The following SS18 variants were observed in gnomAD, a reference collection of about 807,000 sequenced individuals.
SS18 encodes protein SSXT.
A neutral mutation model predicts 72.5 loss-of-function variants in SS18; 28 were observed. The observed-to-expected ratio is 0.39, with a 90% CI of 0.29 to 0.53. The LOEUF (loss-of-function observed/expected upper bound fraction) is 0.53, where lower values mean the gene tolerates loss of function less well. Ranked by LOEUF, SS18 falls within the 20% of genes least tolerant of loss-of-function variation. The pLI, the probability that SS18 is intolerant of heterozygous loss-of-function variation, is 0.76. For synonymous variants in SS18, 172 were observed against 164.2 expected, an observed-to-expected ratio of 1.05 and a Z score of -0.37; for missense variants, 518 against 535.3, an observed-to-expected ratio of 0.97 and a Z score of 0.32.
At chr18:26,051,697 C>T (rs2053927047) in intron 5 of SS18, among the ~76,000 whole-genome samples, 1 of 152,042 alleles carries the variant, frequency 6.6e-6, no homozygotes, top group African/African-American at 2.4e-5. Flanking sequence ...CATTAAGTAA[C>T]TTTGGGGGAA....
intron 7 of SS18, among the ~76,000 whole-genome samples, chr18:26,036,807 G>T (rs2053633558): frequency 6.6e-6 from 1 of 152,014 alleles, no homozygotes; most frequent in African/African-American, 2.4e-5. Context: ...CTACATGAAG[G>T]GTTGGCAAAC....
At chr18:26,020,659 TA>T (rs762651826) in intron 10 of SS18, among the ~76,000 whole-genome samples, 3 of 152,074 alleles carry the variant, frequency 2.0e-5, no homozygotes, top group Non-Finnish European at 4.4e-5. Flanking sequence ...ACTCAGAAAT[TA>T]AGGTATAATT....
In SS18 at chr18:26,035,989, T is replaced by C. The variant is rs1192083273; in HGVS notation, c.881-66A>G. On this transcript the variant is annotated intron_variant, in intron 7 of 10. Transcript: ENST00000415083. The surrounding 1 kb of genome is among the most constrained non-coding windows in gnomAD (Gnocchi z 4.4). ...CCACTGAGTGAAAACCCTAAAAATA[T>C]TTAAACTTTCAGATAAAATTGAAAA... 5.4e-5 allele frequency: 52 copies of C among 969,520 alleles called. No individual in the cohort carries two copies. Among genetic ancestry groups the C allele is most frequent in the Non-Finnish European group, 7.9e-5 (51 of 649,032 alleles). 60.1% of individuals were successfully genotyped at this position (969,520 alleles called of 1,614,324 possible).
rs201968490 is a variant in SS18, at chr18:26,037,397, T to C, written c.880+1158A>G. Among the ~76,000 whole-genome samples the C allele has an allele frequency of 8.1e-4, 123 of 152,184 alleles. 1 individual carries two copies. The highest frequency in any genetic ancestry group is 2.9e-3 in the African/African-American group (119 of 41,564). The stretch of plus-strand genomic sequence containing the variant: ...TTTTCAGCAGACTTCTTAATACATA[T>C]AATTTAACAAAGTAGATTTCACGTC... On this transcript the variant is annotated intron_variant, in intron 7 of 10. Coordinates refer to ENST00000415083, the MANE Select transcript of SS18 (RefSeq NM_001007559.3).
intron 5 of SS18, among the ~76,000 whole-genome samples, chr18:26,047,431 A>G (rs1056631052): frequency 6.6e-6 from 1 of 151,462 alleles, no homozygotes; most frequent in Non-Finnish European, 1.5e-5. Context: ...AAATCTATTA[A>G]TACCATAACT....
chr18:26,074,593 G>A (rs900234987), intron 3 of SS18, among the ~76,000 whole-genome samples: 3 of 151,900 alleles, frequency 2.0e-5, no homozygotes, highest in African/African-American at 7.2e-5. Context: ...TTTAAAGAAT[G>A]TTATTTATAT....
intron 3 of SS18, among the ~76,000 whole-genome samples, chr18:26,061,764 AG>A (rs2054128002): frequency 6.6e-6 from 1 of 152,242 alleles, no homozygotes; most frequent in Admixed American, 6.5e-5. Context: ...ACAAAAGTTA[AG>A]AAAACACTTG....
intron 4 of SS18, among the ~76,000 whole-genome samples, chr18:26,055,751 G>GTTT (rs201307664): frequency 3.9e-5 from 5 of 126,772 alleles, no homozygotes; most frequent in East Asian, 2.3e-4. Context: ...AATTCTTTCT[G>GTTT]TTTTTTTTTT....
chr18:26,036,038 A>T, intron 7 of SS18, 115 bp from the exon 8 acceptor site: 2 of 746,328 alleles, frequency 2.7e-6, no homozygotes, highest in Non-Finnish European at 4.4e-6. Flanking sequence ...ATGGAACATA[A>T]AAAATAATTT....
At chr18:26,021,978 G>GAATA (rs1320289119) in intron 10 of SS18, among the ~76,000 whole-genome samples, 1 of 152,180 alleles carries the variant, frequency 6.6e-6, no homozygotes, top group African/African-American at 2.4e-5. Flanking sequence ...GAGACCTTGT[G>GAATA]AATAAATGAG....
chr18:26,022,974 C>A (rs150253107), intron 10 of SS18, among the ~76,000 whole-genome samples: 1 of 152,218 alleles, frequency 6.6e-6, no homozygotes, highest in East Asian at 1.9e-4. Flanking sequence ...AGTATTTAGC[C>A]CAGGACTAAA....
At chr18:26,044,781 G>A (rs985233120) in intron 5 of SS18, among the ~76,000 whole-genome samples, 11 of 151,944 alleles carry the variant, frequency 7.2e-5, no homozygotes, top group Admixed American at 6.6e-4. Flanking sequence ...AAGCAGGGGG[G>A]TAAAGGATCG....
At chr18:26,068,900 C>A (rs1303177971) in intron 3 of SS18, among the ~76,000 whole-genome samples, 1 of 152,008 alleles carries the variant, frequency 6.6e-6, no homozygotes, top group East Asian at 1.9e-4. Context: ...TTAAAATTCA[C>A]GAAGTATATT....
At chr18:26,023,176 G>GA (rs1567985945) in intron 10 of SS18, among the ~76,000 whole-genome samples, 1 of 151,674 alleles carries the variant, frequency 6.6e-6, no homozygotes, top group Non-Finnish European at 1.5e-5. Context: ...AAAGGACAGA[G>GA]AAAAAAAACT....
At chr18:26,074,233 A>G (rs2054367842) in intron 3 of SS18, among the ~76,000 whole-genome samples, 1 of 152,096 alleles carries the variant, frequency 6.6e-6, no homozygotes, top group African/African-American at 2.4e-5. Flanking sequence ...AAAGTGTAAT[A>G]AAGACCAATG....
intron 10 of SS18, among the ~76,000 whole-genome samples, chr18:26,019,639 C>G (rs566810552): frequency 2.0e-5 from 3 of 151,664 alleles, no homozygotes; most frequent in African/African-American, 7.3e-5. Context: ...GGTGAAACCC[C>G]GTCTTTACTA....
chr18:26,082,462 G>A, intron 2 of SS18: 1 of 983,634 alleles, frequency 1.0e-6, no homozygotes, highest in Non-Finnish European at 1.2e-6. Context: ...AAATTACGAT[G>A]AATGATCGAC....
Position 26,035,315 on chromosome 18 carries a change from G to T in SS18, c.974-188C>A. ...TTCGGCCAAACAAACTGCAGTTAAA[G>T]CCAATTTTGCAAGGTTGAACTGCAG... is the stretch of plus-strand genomic sequence containing the variant. On this transcript the variant is annotated intron_variant, in intron 8 of 10. Coordinates refer to ENST00000415083, the MANE Select transcript of SS18 (RefSeq NM_001007559.3). This position sits in a 1 kb window ranked among gnomAD's most constrained non-coding sequence, Gnocchi z 4.4. 1 of 630,882 alleles carries T rather than the reference G, an allele frequency of 1.6e-6. No individual in the cohort carries two copies. Among genetic ancestry groups the T allele is most frequent in the Non-Finnish European group, 2.6e-6 (1 of 390,522 alleles). 39.1% of individuals were successfully genotyped at this position (630,882 alleles called of 1,614,324 possible).
At chr18:26,048,728 GCA>G (rs1207102233) in intron 5 of SS18, among the ~76,000 whole-genome samples, 1 of 152,116 alleles carries the variant, frequency 6.6e-6, no homozygotes, top group Non-Finnish European at 1.5e-5. Flanking sequence ...CTGACAGAAA[GCA>G]CAGTGTTTTG....
Sources: gnomAD v4.1 joint callset for allele counts (sites outside exome capture counted in the v4.1 genomes callset) on GRCh38, gnomAD v4.1.1 for gene constraint, Gnocchi (gnomAD v3.1) non-coding constraint, MANE v1.5 for transcripts, NCBI Gene and HGNC (gene_info 2026-07-23, HGNC 2026-07-21) for gene names.